Variants in CHLSN observed in about 807,000 individuals in gnomAD.
CHLSN encodes cholesin.
the CHLSN span, chr7:1,093,143 C>T: frequency 4.8e-6 from 3 of 619,136 alleles, no homozygotes; most frequent in South Asian, 4.6e-5. Context: ...CTCCTCCCCG[C>T]CAACCCTGCC....
chr7:1,086,742 TG>T, the CHLSN span: 7 of 152,714 alleles, frequency 4.6e-5, no homozygotes, highest in Non-Finnish European at 8.7e-5. Context: ...CCAGCTCTCC[TG>T]GGGGGGAGGG....
chr7:1,082,709 C>T, the CHLSN span, among the ~76,000 whole-genome samples: 2 of 152,204 alleles, frequency 1.3e-5, no homozygotes, highest in Admixed American at 6.5e-5. Context: ...GATCCTGGTC[C>T]TGTGTCCAGC....
the CHLSN span, among the ~76,000 whole-genome samples, chr7:1,083,472 C>CA: frequency 6.6e-6 from 1 of 151,834 alleles, no homozygotes; most frequent in East Asian, 1.9e-4. Flanking sequence ...AAAAAAAATA[C>CA]AAAAAATTAG....
the CHLSN span, chr7:1,056,347 C>G: frequency 6.5e-6 from 1 of 152,676 alleles, no homozygotes; most frequent in Non-Finnish European, 1.5e-5. Flanking sequence ...AGCGGCCTAG[C>G]TCTGCATGCC....
the CHLSN span, among the ~76,000 whole-genome samples, chr7:1,098,345 C>G: frequency 6.6e-6 from 1 of 152,358 alleles, no homozygotes; most frequent in South Asian, 2.1e-4. Context: ...GCAGCACTGT[C>G]CACAAGAATC....
the CHLSN span, chr7:997,489 C>T: frequency 1.4e-6 from 1 of 710,530 alleles, no homozygotes; most frequent in South Asian, 2.2e-5. Flanking sequence ...CCGGCCCCCA[C>T]CACCGGAGGA....
the CHLSN span, among the ~76,000 whole-genome samples, chr7:1,060,521 C>A: frequency 6.6e-6 from 1 of 152,128 alleles, no homozygotes; most frequent in African/African-American, 2.4e-5. Flanking sequence ...CACCTTGCAG[C>A]CATCGACGTG....
the CHLSN span, chr7:1,056,606 C>T: frequency 6.5e-6 from 1 of 152,728 alleles, no homozygotes; most frequent in Admixed American, 6.5e-5. Flanking sequence ...GCCTCCTCTT[C>T]CCGCCCTGCT....
the CHLSN span, among the ~76,000 whole-genome samples, chr7:1,110,519 C>T: frequency 1.3e-5 from 2 of 152,232 alleles, no homozygotes; most frequent in African/African-American, 4.8e-5. Context: ...GCGCCTCCCG[C>T]CACGTCTTCC....
the CHLSN span, among the ~76,000 whole-genome samples, chr7:1,136,379 A>AATATATACATATATAAAT: frequency 8.9e-3 from 887 of 100,172 alleles, 42 homozygotes; most frequent in African/African-American, 0.013. Flanking sequence ...AATATATATA[A>AATATATACATATATAAAT]ATATATAAAC....
At chr7:1,071,002 ACACGCACATG>A in the CHLSN span, among the ~76,000 whole-genome samples, 1 of 146,684 alleles carries the variant, frequency 6.8e-6, no homozygotes, top group Non-Finnish European at 1.6e-5. Flanking sequence ...ACACACGTGC[ACACGCACATG>A]CACACACATG....
the CHLSN span, among the ~76,000 whole-genome samples, chr7:1,060,563 GA>G: frequency 2.0e-5 from 3 of 152,192 alleles, no homozygotes; most frequent in Admixed American, 1.3e-4. Flanking sequence ...AGTCTCCTGG[GA>G]ATTCAGCCAC....
the CHLSN span, among the ~76,000 whole-genome samples, chr7:981,238 G>A: frequency 6.6e-6 from 1 of 150,902 alleles, no homozygotes; most frequent in African/African-American, 2.4e-5. Flanking sequence ...GGAGGTTGCA[G>A]TGAGCCAAGA....
the CHLSN span, among the ~76,000 whole-genome samples, chr7:999,922 TC>T: frequency 1.3e-5 from 2 of 152,240 alleles, no homozygotes; most frequent in African/African-American, 4.8e-5. Context: ...TGAAACTCTA[TC>T]TCACATCCTG....
the CHLSN span, among the ~76,000 whole-genome samples, chr7:1,049,117 C>T: frequency 6.6e-6 from 1 of 152,214 alleles, no homozygotes; most frequent in African/African-American, 2.4e-5. Flanking sequence ...ACAGGTGCGT[C>T]CTGGGGGCTG....
At chr7:1,054,871 C>G in the CHLSN span, among the ~76,000 whole-genome samples, 1 of 152,246 alleles carries the variant, frequency 6.6e-6, no homozygotes, top group African/African-American at 2.4e-5. Flanking sequence ...CGCTGTGCCT[C>G]TGAGGACTCC....
the CHLSN span, among the ~76,000 whole-genome samples, chr7:1,133,392 CAAAAAAAAAAA>C: frequency 2.2e-5 from 2 of 91,098 alleles, no homozygotes; most frequent in East Asian, 4.7e-4. Flanking sequence ...CGATATACTG[CAAAAAAAAAAA>C]AAAAAAAAAA....
At chr7:1,069,437 C>T in the CHLSN span, among the ~76,000 whole-genome samples, 1 of 146,982 alleles carries the variant, frequency 6.8e-6, no homozygotes, top group Admixed American at 6.7e-5. Flanking sequence ...CTGCTGCCAT[C>T]TCGGCTCACT....
chr7:1,004,458 C>T, the CHLSN span, among the ~76,000 whole-genome samples: 4 of 152,162 alleles, frequency 2.6e-5, no homozygotes, highest in Non-Finnish European at 5.9e-5. Context: ...CCATGGGGCC[C>T]GAGGCCACAG....
Sources: gnomAD v4.1 joint callset for allele counts (sites outside exome capture counted in the v4.1 genomes callset) on GRCh38, gnomAD v4.1.1 for gene constraint, MANE v1.5 for transcripts, NCBI Gene and HGNC (gene_info 2026-07-23, HGNC 2026-07-21) for gene names.